CHRM3: variants seen among roughly 807,000 people sequenced by gnomAD.
CHRM3 encodes cholinergic receptor muscarinic 3, also known as muscarinic acetylcholine receptor M3.
In CHRM3, 11 loss-of-function variants were observed where a neutral mutation model predicts 41.8. The ratio of observed to expected loss-of-function variants is 0.26; its 90% CI spans 0.17 to 0.44. The LOEUF (loss-of-function observed/expected upper bound fraction) is 0.44, where lower values mean the gene tolerates loss of function less well. Ranked by LOEUF, CHRM3 falls within the 20% of genes least tolerant of loss-of-function variation. The pLI is 1.00. For synonymous variants in CHRM3, 297 were observed against 301.4 expected (o/e 0.99, Z 0.15); for missense variants, 571 against 745.4 (o/e 0.77, Z 2.72).
intron 3 of CHRM3, among the ~76,000 whole-genome samples, chr1:239,580,704 T>TATATATATATATATATATATATATAC (rs570878631): frequency 3.1e-5 from 4 of 131,086 alleles, no homozygotes; most frequent in African/African-American, 5.7e-5. Flanking sequence ...TATATATATA[T>TATATATATATATATATATATATATAC]ACACACACAC....
chr1:239,431,948 G>A (rs1035418723), intron 1 of CHRM3, among the ~76,000 whole-genome samples: 5 of 152,134 alleles, frequency 3.3e-5, no homozygotes, highest in African/African-American at 1.2e-4. Flanking sequence ...ATCCCCTGCT[G>A]TGAGTATAGA....
intron 5 of CHRM3, among the ~76,000 whole-genome samples, chr1:239,723,003 T>C (rs972688613): frequency 6.6e-6 from 1 of 151,988 alleles, no homozygotes; most frequent in African/African-American, 2.4e-5. Context: ...ATGCATATAT[T>C]GTACCTAGAT....
chr1:239,785,793 A>G (rs1668847757), intron 5 of CHRM3, among the ~76,000 whole-genome samples: 1 of 152,148 alleles, frequency 6.6e-6, no homozygotes, highest in Non-Finnish European at 1.5e-5. Context: ...GCTGCCACTA[A>G]TAGACTTTGG....
At chr1:239,594,243 G>A (rs1300617598) in intron 3 of CHRM3, among the ~76,000 whole-genome samples, 1 of 152,204 alleles carries the variant, frequency 6.6e-6, no homozygotes, top group Non-Finnish European at 1.5e-5. Context: ...TGATAAGCAC[G>A]ATTGTACTAC....
chr1:239,850,034 A>C (rs1325871514), intron 6 of CHRM3, among the ~76,000 whole-genome samples: 1 of 152,108 alleles, frequency 6.6e-6, no homozygotes, highest in Non-Finnish European at 1.5e-5. Flanking sequence ...TGAGCAACAT[A>C]AGGATTAGGA....
At chr1:239,480,993 A>T (rs530419493) in intron 1 of CHRM3, among the ~76,000 whole-genome samples, 4 of 152,314 alleles carry the variant, frequency 2.6e-5, no homozygotes, top group Admixed American at 2.0e-4. Context: ...TAAGATTTTA[A>T]CATTATTTAC....
intron 1 of CHRM3, among the ~76,000 whole-genome samples, chr1:239,455,165 T>C (rs1180702450): frequency 6.6e-6 from 1 of 152,026 alleles, no homozygotes; most frequent in Non-Finnish European, 1.5e-5. Context: ...AATTTTCCTG[T>C]CTCAGCCTCC....
At chr1:239,606,427 C>CGTG (rs1319270417) in intron 3 of CHRM3, among the ~76,000 whole-genome samples, 1 of 152,034 alleles carries the variant, frequency 6.6e-6, no homozygotes, top group Non-Finnish European at 1.5e-5. Context: ...AGGCGCCCAC[C>CGTG]AGCACGTTCG....
chr1:239,407,425 G>A (rs199641195), intron 1 of CHRM3, among the ~76,000 whole-genome samples: 5 of 112,336 alleles, frequency 4.5e-5, no homozygotes, highest in African/African-American at 1.4e-4. Flanking sequence ...TATAGAGAGA[G>A]AGAGAGAGAG....
At chr1:239,835,906 C>T (rs567230655) in intron 6 of CHRM3, among the ~76,000 whole-genome samples, 9 of 152,334 alleles carry the variant, frequency 5.9e-5, no homozygotes, top group South Asian at 4.1e-4. Context: ...ATGGGAGACT[C>T]AATGTCAAGC....
At chr1:239,893,505 A>G (rs1174821114) in intron 6 of CHRM3, among the ~76,000 whole-genome samples, 6 of 152,102 alleles carry the variant, frequency 3.9e-5, no homozygotes, top group African/African-American at 1.4e-4. Flanking sequence ...CAAGTCTTCA[A>G]CTCCTTGGTA....
intron 3 of CHRM3, among the ~76,000 whole-genome samples, chr1:239,551,546 G>A (rs1659833355): frequency 6.7e-6 from 1 of 150,244 alleles, no homozygotes; most frequent in Admixed American, 6.6e-5. Context: ...AGGCCTCTGT[G>A]TCAATAAATG....
intron 3 of CHRM3, among the ~76,000 whole-genome samples, chr1:239,549,856 G>T (rs1175983341): frequency 2.6e-5 from 4 of 151,872 alleles, no homozygotes; most frequent in Admixed American, 6.6e-5. Flanking sequence ...ACACGAAATA[G>T]ATGAAATCTT....
chr1:239,642,888 T>G (rs12039288), intron 4 of CHRM3, among the ~76,000 whole-genome samples: 40,313 of 152,014 alleles, frequency 0.27, 6,133 homozygotes, highest in East Asian at 0.65. Flanking sequence ...TTCCCCATCT[T>G]TGTGGTTTTA....
chr1:239,483,355 A>G (rs1222863785), intron 1 of CHRM3, among the ~76,000 whole-genome samples: 1 of 152,220 alleles, frequency 6.6e-6, no homozygotes, highest in Non-Finnish European at 1.5e-5. Flanking sequence ...CTGTAAAATT[A>G]GCTAATCATG....
chr1:239,415,927 C>CCATAGAT (rs765091970), intron 1 of CHRM3, among the ~76,000 whole-genome samples: 2 of 152,052 alleles, frequency 1.3e-5, no homozygotes, highest in African/African-American at 2.4e-5. Flanking sequence ...TTAATGTTTG[C>CCATAGAT]CATAGATTTT....
In CHRM3 at chr1:239,437,936, C is replaced by T. The variant is rs912276976; in HGVS notation, c.-521+50709C>T. ...CAGATTTCTAAGGCCCTATTATGTT[C>T]CTAACACTTTGCTCAGTGGGTGAGT... On this transcript the variant is annotated intron_variant, in intron 1 of 6. Coordinates refer to ENST00000676153, the MANE Select transcript of CHRM3 (RefSeq NM_001375978.1). Among the ~76,000 whole-genome samples the T allele has an allele frequency of 6.6e-4, 100 of 152,118 alleles. 1 individual carries two copies. Among genetic ancestry groups the T allele is most frequent in the Admixed American group, 6.5e-3 (99 of 15,266 alleles).
At chr1:239,567,640 C>G (rs1220722614) in intron 3 of CHRM3, among the ~76,000 whole-genome samples, 1 of 152,118 alleles carries the variant, frequency 6.6e-6, no homozygotes, top group Non-Finnish European at 1.5e-5. Flanking sequence ...ACCTTCTACC[C>G]CCACAGGTCA....
chr1:239,806,544 G>T (rs1670669417), intron 5 of CHRM3, among the ~76,000 whole-genome samples: 1 of 152,202 alleles, frequency 6.6e-6, no homozygotes, highest in Admixed American at 6.5e-5. Flanking sequence ...ATGGAGAGCA[G>T]TAAGTGAATT....
Sources: gnomAD v4.1 joint callset for allele counts (sites outside exome capture counted in the v4.1 genomes callset) on GRCh38, gnomAD v4.1.1 for gene constraint, MANE v1.5 for transcripts, NCBI Gene and HGNC (gene_info 2026-07-23, HGNC 2026-07-21) for gene names.